Variants in IL1RAPL2 observed in about 807,000 individuals in gnomAD.
IL1RAPL2 encodes interleukin 1 receptor accessory protein like 2.
In IL1RAPL2, 3 loss-of-function variants were observed where a neutral mutation model predicts 44.1. The observed-to-expected ratio is 0.07, with a 90% CI of 0.03 to 0.18. IL1RAPL2 has a LOEUF of 0.18. Ranked by LOEUF, IL1RAPL2 falls within the 10% of genes least tolerant of loss-of-function variation. The pLI, the probability that IL1RAPL2 is intolerant of heterozygous loss-of-function variation, is 1.00. For missense variants in IL1RAPL2, 391 were observed against 496.4 expected (o/e 0.79, Z 2.02); for synonymous variants, 181 against 178.8 (o/e 1.01, Z -0.10).
rs187704153 is a variant in IL1RAPL2, at chrX:104,731,464, G to A, written c.82+72469G>A. Reference sequence around the variant, plus strand: ...GTCATGCAGGCTGGAATGCAGTGGCGCAGTCTCTACTCACTGCAGCCTCCA... The same window carrying A: ...GTCATGCAGGCTGGAATGCAGTGGCACAGTCTCTACTCACTGCAGCCTCCA... On this transcript the variant is annotated intron_variant, in intron 2 of 10. Coordinates refer to ENST00000372582, the MANE Select transcript of IL1RAPL2 (RefSeq NM_017416.2). 1.7e-4 allele frequency among the ~76,000 whole-genome samples: 19 copies of A among 111,361 alleles called. No individual in the cohort carries two copies. In the East Asian group the frequency reaches 2.5e-3, roughly 15 times the overall value.
chrX:105,516,833 A>G (rs1399351214), intron 6 of IL1RAPL2, among the ~76,000 whole-genome samples: 1 of 111,874 alleles, frequency 8.9e-6, no homozygotes, highest in East Asian at 2.8e-4. Context: ...CAAGTAGATG[A>G]TACAGACAAA....
At chrX:104,642,372 C>T (rs1929951091) in intron 1 of IL1RAPL2, among the ~76,000 whole-genome samples, 1 of 112,222 alleles carries the variant, frequency 8.9e-6, no homozygotes, top group Admixed American at 9.4e-5. Flanking sequence ...TATGGGTATG[C>T]CATAATTTAT....
chrX:104,582,642 C>CTCTTTCTTTCTCTCTT (rs1928396608), intron 1 of IL1RAPL2, among the ~76,000 whole-genome samples: 5 of 26,033 alleles, frequency 1.9e-4, no homozygotes, highest in African/African-American at 5.4e-4. Flanking sequence ...CTTTCTTTCT[C>CTCTTTCTTTCTCTCTT]TCTTTCTTTC....
chrX:105,458,379 A>G (rs1461133909), intron 5 of IL1RAPL2, among the ~76,000 whole-genome samples: 2 of 111,744 alleles, frequency 1.8e-5, no homozygotes, highest in Non-Finnish European at 3.8e-5. Context: ...AGCAAATCCA[A>G]TACCACTACA....
intron 6 of IL1RAPL2, among the ~76,000 whole-genome samples, chrX:105,500,957 A>G (rs936925408): frequency 3.6e-5 from 4 of 111,609 alleles, no homozygotes; most frequent in Non-Finnish European, 7.5e-5. Flanking sequence ...TTATGTCTCT[A>G]CTATACCTTA....
chrX:104,629,136 A>T (rs1929581517), intron 1 of IL1RAPL2, among the ~76,000 whole-genome samples: 1 of 112,282 alleles, frequency 8.9e-6, no homozygotes, highest in Non-Finnish European at 1.9e-5. Context: ...AATTTTTAAC[A>T]TTACTATAAC....
chrX:104,890,483 T>C (rs1228270195), intron 2 of IL1RAPL2, among the ~76,000 whole-genome samples: 2 of 111,938 alleles, frequency 1.8e-5, no homozygotes, highest in Non-Finnish European at 3.8e-5. Flanking sequence ...TTTTAATAGT[T>C]GCCATTCTAA....
chrX:105,219,407 T>C (rs1836316002), intron 3 of IL1RAPL2: 1 of 1,210,235 alleles, frequency 8.3e-7, no homozygotes, highest in Middle Eastern at 2.3e-4. Flanking sequence ...TCTCCCTCCT[T>C]CTGCCCCCAA....
chrX:105,392,079 A>C (rs1296076907), intron 5 of IL1RAPL2, among the ~76,000 whole-genome samples: 2 of 106,779 alleles, frequency 1.9e-5, no homozygotes, highest in African/African-American at 6.8e-5. Context: ...ACACCAGCAT[A>C]GCACATGTAT....
chrX:105,022,009 C>T (rs1395633006), intron 2 of IL1RAPL2, among the ~76,000 whole-genome samples: 2 of 110,595 alleles, frequency 1.8e-5, no homozygotes, highest in Non-Finnish European at 3.8e-5. Flanking sequence ...GGAGGTAATG[C>T]TTAATGTATA....
chrX:105,447,400 A>AAT (rs1303236389), intron 5 of IL1RAPL2, among the ~76,000 whole-genome samples: 2 of 70,088 alleles, frequency 2.9e-5, no homozygotes, highest in African/African-American at 6.0e-5. Flanking sequence ...TAAATATATA[A>AAT]ATATATAAAT....
At chrX:105,147,515 A>G (rs1053038490) in intron 2 of IL1RAPL2, among the ~76,000 whole-genome samples, 2 of 111,032 alleles carry the variant, frequency 1.8e-5, no homozygotes, top group Admixed American at 1.9e-4. Flanking sequence ...CACCCCTCCA[A>G]TCTCCTGGCA....
intron 2 of IL1RAPL2, among the ~76,000 whole-genome samples, chrX:104,690,058 A>G (rs1271794705): frequency 8.9e-6 from 1 of 111,784 alleles, no homozygotes; most frequent in East Asian, 2.8e-4. Flanking sequence ...GATAAAATAT[A>G]TGGTTTTCAA....
At chrX:105,270,849 A>C (rs944415585) in intron 5 of IL1RAPL2, among the ~76,000 whole-genome samples, 2 of 112,130 alleles carry the variant, frequency 1.8e-5, no homozygotes, top group African/African-American at 6.5e-5. Context: ...TAAGAATTTC[A>C]ATATGACATG....
chrX:105,414,230 C>T (rs964721360), intron 5 of IL1RAPL2, among the ~76,000 whole-genome samples: 25 of 110,723 alleles, frequency 2.3e-4, no homozygotes, highest in African/African-American at 7.9e-4. Flanking sequence ...CGGATTGAAG[C>T]GATTCTTCTG....
At chrX:105,542,316 G>C (rs961371292) in intron 6 of IL1RAPL2, among the ~76,000 whole-genome samples, 41 of 112,103 alleles carry the variant, frequency 3.7e-4, no homozygotes, top group African/African-American at 1.2e-3. Flanking sequence ...TACATTTAAA[G>C]ATCAATAATG....
At chrX:105,365,217 T>G (rs906350168) in intron 5 of IL1RAPL2, among the ~76,000 whole-genome samples, 3 of 112,032 alleles carry the variant, frequency 2.7e-5, no homozygotes, top group African/African-American at 9.7e-5. Context: ...GATTTACATA[T>G]GTTGATGTAT....
At chrX:104,827,688 G>A (rs943303887) in intron 2 of IL1RAPL2, among the ~76,000 whole-genome samples, 3 of 111,790 alleles carry the variant, frequency 2.7e-5, no homozygotes, top group African/African-American at 9.8e-5. Context: ...TTAGGTTGGG[G>A]AAGTTCTCCA....
intron 2 of IL1RAPL2, among the ~76,000 whole-genome samples, chrX:104,868,519 A>G (rs1019742374): frequency 8.9e-6 from 1 of 112,101 alleles, no homozygotes; most frequent in Non-Finnish European, 1.9e-5. Flanking sequence ...ACAGTAGATG[A>G]CTGCAGAAAA....
Sources: allele counts gnomAD v4.1 joint callset (sites outside exome capture counted in the v4.1 genomes callset), GRCh38; gene constraint gnomAD v4.1.1; transcripts MANE v1.5; gene names NCBI Gene and HGNC (gene_info 2026-07-23, HGNC 2026-07-21).